Variants in PCP4L1 observed in about 807,000 individuals in gnomAD.
PCP4L1 encodes Purkinje cell protein 4-like protein 1.
Under a neutral mutation model 9.6 loss-of-function variants are expected in PCP4L1, and 9 were observed. That is an observed-to-expected ratio of 0.94 (90% CI 0.57 to 1.64). PCP4L1 has a LOEUF of 1.64. Ranked by LOEUF, PCP4L1 falls within the 40% of genes most tolerant of loss-of-function variation. The probability of loss-of-function intolerance (pLI) is 0.00; values close to 1 mark genes in which losing one functional copy is unlikely to be tolerated. For missense variants in PCP4L1, 81 were observed against 80.8 expected, an observed-to-expected ratio of 1.00 and a Z score of -0.01; for synonymous variants, 31 against 28.2, an observed-to-expected ratio of 1.10 and a Z score of -0.31.
At chr1:161,261,636 G>A (rs1396969325) in intron 1 of PCP4L1, among the ~76,000 whole-genome samples, 1 of 152,222 alleles carries the variant, frequency 6.6e-6, no homozygotes, top group East Asian at 1.9e-4. Context: ...GCTTAAAGCA[G>A]AATTGCAGGT....
intron 1 of PCP4L1, among the ~76,000 whole-genome samples, chr1:161,261,036 T>TG (rs1361990653): frequency 6.6e-6 from 1 of 152,076 alleles, no homozygotes; most frequent in Non-Finnish European, 1.5e-5. Context: ...TGGTAAAAGG[T>TG]GGAAGTGTTG....
At chr1:161,281,908 C>T (rs1393476286) in intron 1 of PCP4L1, among the ~76,000 whole-genome samples, 8 of 151,608 alleles carry the variant, frequency 5.3e-5, no homozygotes, top group South Asian at 2.1e-4. Context: ...GACGGGATGG[C>T]GGCCGGGAAG....
At position 161,263,749 on chromosome 1, in the gene PCP4L1, T is replaced by A. The variant is rs183852104; in HGVS notation, c.9+4766T>A. The stretch of plus-strand genomic sequence containing the variant: ...GGTACACGTCACCATGCCTGCTTAA[T>A]TTTTTTTGTATTTTTTGTAGAGACA... On this transcript the variant is annotated intron_variant, in intron 1 of 2. Transcript: ENST00000504449. Among the ~76,000 whole-genome samples the A allele has an allele frequency of 8.1e-4, 123 of 151,086 alleles. 1 individual carries two copies. Among genetic ancestry groups the A allele is most frequent in the African/African-American group, 2.8e-3 (117 of 41,148 alleles).
intron 1 of PCP4L1, among the ~76,000 whole-genome samples, chr1:161,280,732 T>C (rs922649564): frequency 3.3e-5 from 5 of 152,230 alleles, no homozygotes; most frequent in African/African-American, 4.8e-5. Flanking sequence ...CTCCCTGAAA[T>C]ATTTTCTTCA....
At position 161,264,494 on chromosome 1, in the gene PCP4L1, G is replaced by A. The variant is rs181717381; in HGVS notation, c.9+5511G>A. 1.1e-3 allele frequency among the ~76,000 whole-genome samples: 173 copies of A among 152,056 alleles called. 1 individual carries two copies. The highest frequency in any genetic ancestry group is 1.3e-3 in the Non-Finnish European group (89 of 67,962). ...ATAGCACCACTGCACTCCAGCCTGTGACAGAGTAAGACTCTGTCTAAGAAA... is the reference window on the plus strand; with the variant it reads ...ATAGCACCACTGCACTCCAGCCTGTAACAGAGTAAGACTCTGTCTAAGAAA... On this transcript the variant is annotated intron_variant, in intron 1 of 2. Transcript: ENST00000504449.
chr1:161,258,902 G>A lies in PCP4L1; in HGVS notation c.-73G>A. The A allele has an allele frequency of 6.5e-7, 1 of 1,534,188 alleles. No individual in the cohort carries two copies. Among genetic ancestry groups the A allele is most frequent in the Non-Finnish European group, 8.7e-7 (1 of 1,145,570 alleles). ...CAGAGCCCGGCAACTTTCAGCTGTC[G>A]CCCGCGGAGCCCCGAGGGCCACTCG... On this transcript the variant is annotated 5_prime_UTR_variant, in exon 1 of 3. Coordinates refer to ENST00000504449, the MANE Select transcript of PCP4L1 (RefSeq NM_001102566.2).
chr1:161,272,378 T>G (rs1233454206), intron 1 of PCP4L1, among the ~76,000 whole-genome samples: 4 of 151,564 alleles, frequency 2.6e-5, no homozygotes, highest in Non-Finnish European at 5.9e-5. Context: ...GCCAACATGG[T>G]GAAACCCTGT....
At position 161,284,603 on chromosome 1, in the gene PCP4L1, T is replaced by C. The variant is rs1329285915; in HGVS notation, c.*122T>C. 7.6e-7 allele frequency: 1 copy of C among 1,317,356 alleles called. No homozygotes were observed. The highest frequency in any genetic ancestry group is 1.5e-5 in the African/African-American group (1 of 67,268). The allele number at this position is 1,317,356 out of a possible 1,614,324, so 81.6% of individuals were successfully genotyped here. Reference sequence around the variant, plus strand: ...CCTTGAGGCAAGTTCAACCTTTATATACTCTTGTATCTGGCCCCCTCAAGC... The same window carrying C: ...CCTTGAGGCAAGTTCAACCTTTATACACTCTTGTATCTGGCCCCCTCAAGC... On this transcript the variant is annotated 3_prime_UTR_variant, in exon 3 of 3. Coordinates refer to ENST00000504449, the MANE Select transcript of PCP4L1 (RefSeq NM_001102566.2).
chr1:161,267,149 T>C (rs946599032), intron 1 of PCP4L1, among the ~76,000 whole-genome samples: 1 of 152,180 alleles, frequency 6.6e-6, no homozygotes, highest in Non-Finnish European at 1.5e-5. Flanking sequence ...TTTTAAAGGC[T>C]AGAATTTAGG....
At chr1:161,263,878 TTG>T (rs1669461238) in intron 1 of PCP4L1, among the ~76,000 whole-genome samples, 1 of 146,902 alleles carries the variant, frequency 6.8e-6, no homozygotes, top group Non-Finnish European at 1.5e-5. Context: ...GCTACCATGC[TTG>T]GCCTCAATAC....
In PCP4L1 at chr1:161,285,356, T is replaced by A. The variant is rs1399637850; in HGVS notation, c.*875T>A. 3 of 152,202 alleles carry A rather than the reference T, an allele frequency of 2.0e-5. No homozygotes were observed. Among genetic ancestry groups the A allele is most frequent in the African/African-American group, 4.8e-5 (2 of 41,376 alleles). 9.4% of individuals were successfully genotyped at this position (152,202 alleles called of 1,614,324 possible). On this transcript the variant is annotated 3_prime_UTR_variant, in exon 3 of 3. Coordinates refer to ENST00000504449, the MANE Select transcript of PCP4L1 (RefSeq NM_001102566.2). Reference sequence around the variant, plus strand: ...AGTTCCCATTTGCCCCACTATGGAGTCAGGGCAAAAGTGGAATAGCCACTC... The same window carrying A: ...AGTTCCCATTTGCCCCACTATGGAGACAGGGCAAAAGTGGAATAGCCACTC...
intron 1 of PCP4L1, among the ~76,000 whole-genome samples, chr1:161,280,110 T>C (rs1002931425): frequency 3.9e-5 from 6 of 152,336 alleles, no homozygotes; most frequent in African/African-American, 1.4e-4. Flanking sequence ...CCATTTACTC[T>C]CCTACTTGCC....
chr1:161,271,016 A>G (rs1459619546), intron 1 of PCP4L1, among the ~76,000 whole-genome samples: 1 of 152,228 alleles, frequency 6.6e-6, no homozygotes, highest in East Asian at 1.9e-4. Flanking sequence ...TTTGGCAATT[A>G]CAAGTAGAGC....
intron 1 of PCP4L1, among the ~76,000 whole-genome samples, chr1:161,277,551 C>A (rs1669719935): frequency 6.6e-6 from 1 of 152,152 alleles, no homozygotes; most frequent in South Asian, 2.1e-4. Flanking sequence ...TATTTGGGTC[C>A]TTATCTCCTC....
intron 1 of PCP4L1, among the ~76,000 whole-genome samples, chr1:161,279,366 A>G (rs956878039): frequency 6.6e-6 from 1 of 152,208 alleles, no homozygotes; most frequent in African/African-American, 2.4e-5. Flanking sequence ...ACCTAGAACA[A>G]TACTTGCCAT....
At chr1:161,272,131 A>G (rs562886117) in intron 1 of PCP4L1, among the ~76,000 whole-genome samples, 23 of 151,570 alleles carry the variant, frequency 1.5e-4, no homozygotes, top group Non-Finnish European at 3.2e-4. Flanking sequence ...ATGGGGGTAC[A>G]TAGTGAGTGA....
At chr1:161,267,000 A>G (rs993898767) in intron 1 of PCP4L1, among the ~76,000 whole-genome samples, 1 of 152,114 alleles carries the variant, frequency 6.6e-6, no homozygotes. Flanking sequence ...GTGGAGTGGG[A>G]GGGTGCAAAG....
At chr1:161,265,728 A>G (rs1057338785) in intron 1 of PCP4L1, among the ~76,000 whole-genome samples, 3 of 137,314 alleles carry the variant, frequency 2.2e-5, no homozygotes, top group Non-Finnish European at 3.0e-5. Context: ...CAGATCCAAA[A>G]CCACTTTTTT....
intron 1 of PCP4L1, among the ~76,000 whole-genome samples, chr1:161,268,069 A>T (rs1326967668): frequency 6.6e-6 from 1 of 152,182 alleles, no homozygotes; most frequent in Non-Finnish European, 1.5e-5. Context: ...TCATGACACA[A>T]AAGTGGACGA....
Sources: gnomAD v4.1 joint callset for allele counts (sites outside exome capture counted in the v4.1 genomes callset) on GRCh38, gnomAD v4.1.1 for gene constraint, MANE v1.5 for transcripts, NCBI Gene and HGNC (gene_info 2026-07-23, HGNC 2026-07-21) for gene names.